TMEM65: variants seen among roughly 807,000 people sequenced by gnomAD.
TMEM65 encodes the protein transmembrane protein 65.
Under a neutral mutation model 25.4 loss-of-function variants are expected in TMEM65, and 22 were observed. The ratio of observed to expected loss-of-function variants is 0.86; its 90% CI spans 0.62 to 1.23. The LOEUF (loss-of-function observed/expected upper bound fraction) is 1.23. Ranked by LOEUF, TMEM65 falls within the 50% of genes most tolerant of loss-of-function variation. TMEM65 has a pLI of 0.00. For missense variants in TMEM65, 262 were observed against 308.2 expected (o/e 0.85, Z 1.12); for synonymous variants, 132 against 126.2 (o/e 1.05, Z -0.31).
At chr8:124,342,809 A>G (rs1814597382) in intron 1 of TMEM65, among the ~76,000 whole-genome samples, 1 of 152,170 alleles carries the variant, frequency 6.6e-6, no homozygotes, top group Admixed American at 6.6e-5. Context: ...TGGCAAACCC[A>G]TAATTCTGGT....
intron 1 of TMEM65, among the ~76,000 whole-genome samples, chr8:124,350,481 A>T (rs76406869): frequency 0.056 from 3,737 of 66,248 alleles, 145 homozygotes; most frequent in East Asian, 0.36. Context: ...TCTCTCTCAC[A>T]CACACACACA....
At chr8:124,352,889 G>A (rs1350372027) in intron 1 of TMEM65, among the ~76,000 whole-genome samples, 1 of 152,182 alleles carries the variant, frequency 6.6e-6, no homozygotes, top group East Asian at 1.9e-4. Context: ...CATTTTAAGA[G>A]GCCAAGGCGG....
chr8:124,340,874 A>G (rs914491730), intron 1 of TMEM65, among the ~76,000 whole-genome samples: 2 of 152,142 alleles, frequency 1.3e-5, no homozygotes, highest in Non-Finnish European at 2.9e-5. Context: ...ACAGTTTCTT[A>G]TTACAGAGAC....
chr8:124,332,683 A>T (rs986514128), intron 1 of TMEM65, among the ~76,000 whole-genome samples: 3 of 152,180 alleles, frequency 2.0e-5, no homozygotes, highest in African/African-American at 7.2e-5. Context: ...TGAAAGTAAA[A>T]TCAAAACACA....
chr8:124,372,114 C>G lies in TMEM65; in HGVS notation c.44G>C (p.Ser15Thr). 1 of 1,150,966 alleles carries G rather than the reference C, an allele frequency of 8.7e-7. No individual in the cohort carries two copies. Among genetic ancestry groups the G allele is most frequent in the Non-Finnish European group, 1.1e-6 (1 of 933,832 alleles). The allele number at this position is 1,150,966 out of a possible 1,614,324, so 71.3% of individuals were successfully genotyped here. A position where few individuals can be genotyped will look rare whatever the true frequency, so the allele number is the denominator to read the frequency against. The change falls in exon 1 of 7, where the codon AGC becomes ACC. Residue 15 changes from serine to threonine, a missense_variant. Physicochemically the swap from Ser to Thr is moderately conservative, Grantham distance 58. Transcript: ENST00000297632. ...GGCGGCGGCCGGGCCCGGCCTCAGGCTGCGCGCGGTCCGGCTCCTCAGCAG... is the reference window on the plus strand; with the variant it reads ...GGCGGCGGCCGGGCCCGGCCTCAGGGTGCGCGCGGTCCGGCTCCTCAGCAG... Reference protein sequence around the residue: ...LPLLRSRTARSLRPGPAAAAA... With the variant: ...LPLLRSRTARTLRPGPAAAAA...
At chr8:124,363,633 C>G (rs1563600494) in intron 1 of TMEM65, among the ~76,000 whole-genome samples, 1 of 151,896 alleles carries the variant, frequency 6.6e-6, no homozygotes, top group East Asian at 1.9e-4. Flanking sequence ...GTCAGGAGAT[C>G]GAGACCATCC....
chr8:124,370,978 G>T (rs565651867), intron 1 of TMEM65, among the ~76,000 whole-genome samples: 2 of 152,268 alleles, frequency 1.3e-5, no homozygotes, highest in East Asian at 3.9e-4. Context: ...TTAGTCGTTT[G>T]CTCCTTTCAT....
At chr8:124,343,432 A>C (rs1287456297) in intron 1 of TMEM65, among the ~76,000 whole-genome samples, 1 of 152,184 alleles carries the variant, frequency 6.6e-6, no homozygotes, top group Non-Finnish European at 1.5e-5. Flanking sequence ...ACTGATGACA[A>C]TCAGACCTTT....
At chr8:124,320,519 G>A (rs1050023728) in intron 5 of TMEM65, among the ~76,000 whole-genome samples, 7 of 151,984 alleles carry the variant, frequency 4.6e-5, no homozygotes, top group African/African-American at 1.4e-4. Flanking sequence ...AACAATTCAA[G>A]GTATGTAACA....
intron 1 of TMEM65, among the ~76,000 whole-genome samples, chr8:124,332,923 A>C (rs550835083): frequency 2.6e-5 from 4 of 152,098 alleles, no homozygotes; most frequent in Non-Finnish European, 5.9e-5. Flanking sequence ...CTCCTGTTTC[A>C]GCCTCCCGAG....
intron 1 of TMEM65, among the ~76,000 whole-genome samples, chr8:124,351,607 T>A (rs1328515428): frequency 2.0e-5 from 3 of 152,214 alleles, no homozygotes; most frequent in Admixed American, 6.5e-5. Flanking sequence ...TTTCTAAATC[T>A]GGATGAGTTT....
chr8:124,340,550 CA>C (rs1262606346), intron 1 of TMEM65, among the ~76,000 whole-genome samples: 1 of 152,106 alleles, frequency 6.6e-6, no homozygotes, highest in Admixed American at 6.6e-5. Flanking sequence ...AACACAGATA[CA>C]TGACTTTTCC....
At chr8:124,358,870 G>A (rs1814820955) in intron 1 of TMEM65, among the ~76,000 whole-genome samples, 1 of 152,156 alleles carries the variant, frequency 6.6e-6, no homozygotes, top group Non-Finnish European at 1.5e-5. Flanking sequence ...CAGCAAATGG[G>A]GTGCTTCTCT....
At position 124,313,598 on chromosome 8, in the gene TMEM65, G is replaced by A. The variant is rs1314593556; in HGVS notation, c.*362C>T. 10 of 158,192 alleles carry A rather than the reference G, an allele frequency of 6.3e-5. No individual in the cohort carries two copies. The highest frequency in any genetic ancestry group is 1.4e-4 in the Non-Finnish European group (10 of 72,426). The allele number at this position is 158,192 out of a possible 1,614,324, so 9.8% of individuals were successfully genotyped here. A position where few individuals can be genotyped will look rare whatever the true frequency, so the allele number is the denominator to read the frequency against. On this transcript the variant is annotated 3_prime_UTR_variant, in exon 7 of 7. Coordinates refer to ENST00000297632, the MANE Select transcript of TMEM65 (RefSeq NM_194291.3). The stretch of plus-strand genomic sequence containing the variant: ...CCAAGGTTGAAATGTAACTATCAGG[G>A]AACAACGAAAAATGCTTTCATGCAT...
At chr8:124,370,684 T>C (rs1392194157) in intron 1 of TMEM65, among the ~76,000 whole-genome samples, 5 of 152,328 alleles carry the variant, frequency 3.3e-5, no homozygotes, top group Admixed American at 6.5e-5. Context: ...GTTTCTGAAG[T>C]AGTACAGATA....
At chr8:124,314,136 A>G (rs1252398083) in intron 6 of TMEM65, 75 bp from the exon 7 acceptor site, 7 of 1,143,934 alleles carry the variant, frequency 6.1e-6, no homozygotes, top group Non-Finnish European at 9.1e-6. Context: ...AAATCTCACC[A>G]GCTCTTCTCA....
chr8:124,322,191 A>AATT lies in TMEM65; in HGVS notation c.473-47_473-45dup, dbSNP rs1472715143. The AATT allele has an allele frequency of 7.8e-6, 11 of 1,413,112 alleles. No individual in the cohort carries two copies. The African/African-American group carries it at 1.6e-4, about 20-fold the overall frequency. 87.5% of individuals were successfully genotyped at this position (1,413,112 alleles called of 1,614,324 possible). A position where few individuals can be genotyped will look rare whatever the true frequency, so the allele number is the denominator to read the frequency against. On this transcript the variant is annotated intron_variant, in intron 4 of 6. Transcript: ENST00000297632. ...AATAATTGTTACATAAAAGAATAAT[A>AATT]ATTATATCACTATGTAATCAATAAA...
At position 124,322,074 on chromosome 8, in the gene TMEM65, A is replaced by G. The variant is rs1019933939; in HGVS notation, c.515+31T>C. The G allele has an allele frequency of 3.2e-6, 5 of 1,557,742 alleles. No homozygotes were observed. The African/African-American group carries it at 6.8e-5, about 21-fold the overall frequency. On this transcript the variant is annotated intron_variant, in intron 5 of 6. Transcript: ENST00000297632. ...GGGAACAGAAAGACAGCAAGTACAGAATATACAAATGAATAAGTGAATGAA... is the reference window on the plus strand; with the variant it reads ...GGGAACAGAAAGACAGCAAGTACAGGATATACAAATGAATAAGTGAATGAA...
At position 124,336,323 on chromosome 8, in the gene TMEM65, C is replaced by T. The variant is rs186164892; in HGVS notation, c.305-5531G>A. ...GACAGAAAACTAGGCAAAAATATCACTAAGATATAAACTTGAACACTACCA... is the reference window on the plus strand; with the variant it reads ...GACAGAAAACTAGGCAAAAATATCATTAAGATATAAACTTGAACACTACCA... On this transcript the variant is annotated intron_variant, in intron 1 of 6. Coordinates refer to ENST00000297632, the MANE Select transcript of TMEM65 (RefSeq NM_194291.3). Among the ~76,000 whole-genome samples the T allele has an allele frequency of 1.3e-3, 192 of 152,048 alleles. 2 individuals are homozygous for T. The highest frequency in any genetic ancestry group is 4.6e-3 in the African/African-American group (189 of 41,534).
Sources: gnomAD v4.1 joint callset for allele counts (sites outside exome capture counted in the v4.1 genomes callset) on GRCh38, gnomAD v4.1.1 for gene constraint, MANE v1.5 for transcripts, NCBI Gene and HGNC (gene_info 2026-07-23, HGNC 2026-07-21) for gene names.